Variants in WDR25 observed in about 807,000 individuals in gnomAD.
The protein encoded by WDR25 is WD repeat-containing protein 25.
Under a neutral mutation model 47.7 loss-of-function variants are expected in WDR25, and 35 were observed. That is an observed-to-expected ratio of 0.73 (90% CI 0.56 to 0.97). The LOEUF (loss-of-function observed/expected upper bound fraction) is 0.97, where lower values mean the gene tolerates loss of function less well. Among genes scored for constraint, WDR25 ranks in the 50% least tolerant of loss-of-function variants. The pLI, the probability that WDR25 is intolerant of heterozygous loss-of-function variation, is 0.00. For synonymous variants in WDR25, 248 were observed against 278.9 expected (o/e 0.89, Z 1.10); for missense variants, 634 against 704.7 (o/e 0.90, Z 1.14).
chr14:100,421,792 G>A (rs1898033836), intron 2 of WDR25, among the ~76,000 whole-genome samples: 1 of 152,142 alleles, frequency 6.6e-6, no homozygotes, highest in Non-Finnish European at 1.5e-5. Context: ...AAAGGTTTAT[G>A]TACATGTTAT....
chr14:100,507,734 GGT>G (rs1901164001), intron 4 of WDR25, among the ~76,000 whole-genome samples: 1 of 150,242 alleles, frequency 6.7e-6, no homozygotes, highest in Admixed American at 6.6e-5. Context: ...GAATGTTATT[GGT>G]GTATAGAAAT....
intron 2 of WDR25, among the ~76,000 whole-genome samples, chr14:100,431,679 T>C (rs1898340967): frequency 1.3e-5 from 2 of 151,660 alleles, no homozygotes; most frequent in African/African-American, 4.9e-5. Context: ...CCCAAGTAGC[T>C]GGGATTACAG....
At position 100,392,433 on chromosome 14, in the gene WDR25, C is replaced by A. The variant is rs560037517; in HGVS notation, c.822+10687C>A. Among the ~76,000 whole-genome samples the A allele has an allele frequency of 6.6e-6, 1 of 151,950 alleles. No homozygotes were observed. Among genetic ancestry groups the A allele is most frequent in the African/African-American group, 2.4e-5 (1 of 41,426 alleles). On this transcript the variant is annotated intron_variant, in intron 2 of 6. Transcript: ENST00000402312. The surrounding 1 kb of genome is among the most constrained non-coding windows in gnomAD (Gnocchi z 4.2). ...ATCCCAGGGGTCCAAGCCTCTGTCA[C>A]CCTCTTGCCCCTTCTCCTCTGCCCT... is the stretch of plus-strand genomic sequence containing the variant.
chr14:100,386,401 C>T (rs780336940), intron 2 of WDR25, among the ~76,000 whole-genome samples: 3 of 152,184 alleles, frequency 2.0e-5, no homozygotes, highest in Non-Finnish European at 2.9e-5. Context: ...TCTTCTGTAA[C>T]GTGTAAGGGG....
intron 2 of WDR25, among the ~76,000 whole-genome samples, chr14:100,388,200 A>G (rs1461625801): frequency 6.6e-6 from 1 of 152,222 alleles, no homozygotes; most frequent in Non-Finnish European, 1.5e-5. Context: ...TGGCAATGAG[A>G]GGCGCAGCTG....
chr14:100,472,290 A>G (rs1899866195), intron 3 of WDR25, among the ~76,000 whole-genome samples: 2 of 152,198 alleles, frequency 1.3e-5, no homozygotes, highest in South Asian at 2.1e-4. Context: ...CCTCTGAGCC[A>G]TCTGTGCAGT....
intron 4 of WDR25, among the ~76,000 whole-genome samples, chr14:100,493,628 A>G (rs1396512806): frequency 6.6e-6 from 1 of 152,156 alleles, no homozygotes; most frequent in Non-Finnish European, 1.5e-5. Context: ...ACCCACAGTG[A>G]CACATCGTTG....
chr14:100,382,453 C>T (rs1896927088), intron 2 of WDR25, among the ~76,000 whole-genome samples: 1 of 152,174 alleles, frequency 6.6e-6, no homozygotes, highest in Non-Finnish European at 1.5e-5. Context: ...GGGTGAGGGA[C>T]TTGAGGCTGG....
intron 2 of WDR25, among the ~76,000 whole-genome samples, chr14:100,460,152 G>A (rs867866059): frequency 8.2e-4 from 118 of 144,098 alleles, no homozygotes; most frequent in Middle Eastern, 3.8e-3. Context: ...TCGCTCTGTC[G>A]CCCAGGCTGG....
chr14:100,529,886 G>A lies in WDR25; in HGVS notation c.1480G>A (p.Asp494Asn), dbSNP rs764591765. 5.0e-6 allele frequency: 8 copies of A among 1,613,156 alleles called. No individual in the cohort carries two copies. In the East Asian group the frequency reaches 1.1e-4, roughly 22 times the overall value. The change falls in exon 7 of 7, where the codon GAT becomes AAT. Residue 494 changes from aspartate to asparagine, a missense_variant. Physicochemically the swap from Asp to Asn is conservative, Grantham distance 23. Coordinates refer to ENST00000402312, the MANE Select transcript of WDR25 (RefSeq NM_001161476.3). This position sits in a 1 kb window ranked among gnomAD's most constrained non-coding sequence, Gnocchi z 5.1. ...TGACTTGCTGGTGACGGGCAGCGCC[G>A]ATGGCCGGGTCCTGATGTACAGCTT... ...GGDLLVTGSA[D>N]GRVLMYSFRT...
At chr14:100,390,698 G>T (rs1184529565) in intron 2 of WDR25, among the ~76,000 whole-genome samples, 1 of 152,068 alleles carries the variant, frequency 6.6e-6, no homozygotes, top group Non-Finnish European at 1.5e-5. Flanking sequence ...CTCCAGCTTG[G>T]TTTTCTCACT....
intron 2 of WDR25, among the ~76,000 whole-genome samples, chr14:100,460,085 A>G (rs1383442070): frequency 2.0e-5 from 3 of 150,154 alleles, no homozygotes; most frequent in Non-Finnish European, 4.4e-5. Context: ...GCAAGAGACC[A>G]ATATCTCTCA....
At chr14:100,517,839 G>A (rs1202087474) in intron 4 of WDR25, among the ~76,000 whole-genome samples, 1 of 152,276 alleles carries the variant, frequency 6.6e-6, no homozygotes, top group East Asian at 1.9e-4. Context: ...GCAAGACGCC[G>A]TCTCAAACAA....
At chr14:100,478,624 G>A (rs1900097777) in intron 3 of WDR25, among the ~76,000 whole-genome samples, 1 of 152,142 alleles carries the variant, frequency 6.6e-6, no homozygotes, top group Non-Finnish European at 1.5e-5. Flanking sequence ...AGTACAAATA[G>A]GAAAAATGTA....
At chr14:100,515,246 C>T (rs1901452625) in intron 4 of WDR25, among the ~76,000 whole-genome samples, 1 of 152,068 alleles carries the variant, frequency 6.6e-6, no homozygotes, top group South Asian at 2.1e-4. Context: ...TAGTTTTAAT[C>T]AATGTATTAT....
At position 100,440,441 on chromosome 14, in the gene WDR25, C is replaced by T. The variant is rs563248757; in HGVS notation, c.823-27580C>T. 7.2e-5 allele frequency among the ~76,000 whole-genome samples: 11 copies of T among 152,234 alleles called. No homozygotes were observed. Among genetic ancestry groups the T allele is most frequent in the South Asian group, 6.2e-4 (3 of 4,822 alleles). ...TCTGTTCTGAGCGGCTGTTTACAGG[C>T]GGATAGAAAGGGCTGTAGGATGGGA... On this transcript the variant is annotated intron_variant, in intron 2 of 6. Transcript: ENST00000402312. The surrounding 1 kb of genome is among the most constrained non-coding windows in gnomAD (Gnocchi z 4.4).
chr14:100,388,538 G>C (rs1218350905), intron 2 of WDR25, among the ~76,000 whole-genome samples: 2 of 152,162 alleles, frequency 1.3e-5, no homozygotes, highest in African/African-American at 2.4e-5. Flanking sequence ...TGGCAGCAGA[G>C]CTGCCGAGCC....
intron 2 of WDR25, among the ~76,000 whole-genome samples, chr14:100,394,339 T>C (rs1475955619): frequency 1.3e-5 from 2 of 152,184 alleles, no homozygotes; most frequent in Non-Finnish European, 2.9e-5. Context: ...ATGGCTCAGC[T>C]GATGGGCCTT....
At chr14:100,475,770 A>G (rs1899996162) in intron 3 of WDR25, among the ~76,000 whole-genome samples, 1 of 152,226 alleles carries the variant, frequency 6.6e-6, no homozygotes. Flanking sequence ...AAAAGAATGC[A>G]CTTTTAACAT....
Sources: allele counts gnomAD v4.1 joint callset (sites outside exome capture counted in the v4.1 genomes callset), GRCh38; gene constraint gnomAD v4.1.1; non-coding constraint Gnocchi (gnomAD v3.1); transcripts MANE v1.5; gene names NCBI Gene and HGNC (gene_info 2026-07-23, HGNC 2026-07-21).